The following WDR48 variants were observed in gnomAD, a reference collection of about 807,000 sequenced individuals.
WDR48 encodes the protein WD repeat-containing protein 48.
In WDR48, 22 loss-of-function variants were observed where a neutral mutation model predicts 94.0. That is an observed-to-expected ratio of 0.23 (90% confidence interval 0.17 to 0.33). WDR48 has a LOEUF of 0.33. Among genes scored for constraint, WDR48 ranks in the 10% least tolerant of loss-of-function variants. WDR48 has a pLI of 1.00. For synonymous variants in WDR48, 278 were observed against 280.5 expected (o/e 0.99, Z 0.09); for missense variants, 541 against 813.8 (o/e 0.66, Z 4.08).
intron 15 of WDR48, among the ~76,000 whole-genome samples, chr3:39,088,716 G>C (rs555083311): frequency 7.9e-5 from 12 of 152,238 alleles, no homozygotes; most frequent in African/African-American, 2.9e-4. Context: ...CTTCAGGGAA[G>C]GGCTGGACTG....
chr3:39,069,532 G>C, intron 6 of WDR48, 111 bp from the exon 7 acceptor site: 1 of 913,098 alleles, frequency 1.1e-6, no homozygotes, highest in Non-Finnish European at 1.6e-6. Context: ...GGCAGAAGTG[G>C]TATTGCCTTC....
At chr3:39,057,918 C>T (rs1400421720) in intron 1 of WDR48, among the ~76,000 whole-genome samples, 1 of 152,102 alleles carries the variant, frequency 6.6e-6, no homozygotes, top group Non-Finnish European at 1.5e-5. Flanking sequence ...TGCGCCTGGC[C>T]CCTGGTTATT....
intron 17 of WDR48, 134 bp from the exon 18 acceptor site, chr3:39,093,740 A>T: frequency 9.8e-7 from 1 of 1,023,054 alleles, no homozygotes; most frequent in Non-Finnish European, 1.3e-6. Flanking sequence ...CTAAAAATGG[A>T]TTAAGGTAAT....
At chr3:39,069,893 A>G (rs1319199208) in intron 7 of WDR48, 149 bp downstream of exon 7, 1 of 568,482 alleles carries the variant, frequency 1.8e-6, no homozygotes, top group Non-Finnish European at 3.0e-6. Flanking sequence ...TTGCACATAT[A>G]AGCTACATTT....
chr3:39,084,867 G>T (rs551150178), intron 13 of WDR48, 126 bp downstream of exon 13: 2 of 687,320 alleles, frequency 2.9e-6, no homozygotes, highest in East Asian at 2.8e-5. Context: ...CTAAAAATGT[G>T]GTATGTACAA....
chr3:39,094,105 T>A, intron 18 of WDR48, 39 bp downstream of exon 18: 1 of 1,582,422 alleles, frequency 6.3e-7, no homozygotes, highest in Non-Finnish European at 8.6e-7. Flanking sequence ...ATTTTTCCAG[T>A]GCTGGTGCTC....
chr3:39,081,981 A>T (rs2034558190), intron 11 of WDR48, among the ~76,000 whole-genome samples: 1 of 152,232 alleles, frequency 6.6e-6, no homozygotes, highest in Non-Finnish European at 1.5e-5. Flanking sequence ...GGAGTTTTTT[A>T]GGAACATTGG....
At chr3:39,080,799 T>C (rs140981860) in intron 11 of WDR48, among the ~76,000 whole-genome samples, 6 of 152,276 alleles carry the variant, frequency 3.9e-5, no homozygotes, top group African/African-American at 1.2e-4. Flanking sequence ...AGGAAGAGCA[T>C]TTCAGGAAAA....
chr3:39,084,165 T>C lies in WDR48; in HGVS notation c.1184T>C (p.Val395Ala). ...AYWDVLKACK[V>A]EDLGKVDFED... ...TCTTTTGATGTATAGGCATGTAAAGTTGAAGATCTGGGCAAAGTGGATTTT... is the reference window on the plus strand; with the variant it reads ...TCTTTTGATGTATAGGCATGTAAAGCTGAAGATCTGGGCAAAGTGGATTTT... The change falls in exon 12 of 19, where the codon GTT (valine) becomes GCT (alanine). Residue 395 changes from valine (V) to alanine (A), a missense_variant. Coordinates refer to ENST00000302313, the MANE Select transcript of WDR48 (RefSeq NM_020839.4). The C allele has an allele frequency of 6.2e-7, 1 of 1,610,380 alleles. No individual in the cohort carries two copies. The highest frequency in any genetic ancestry group is 8.5e-7 in the Non-Finnish European group (1 of 1,177,588).
At position 39,068,796 on chromosome 3, in the gene WDR48, T is replaced by C. The variant is rs541279880; in HGVS notation, c.507T>C (p.Asp169=). 136 of 1,603,664 alleles carry C rather than the reference T, an allele frequency of 8.5e-5. No homozygotes were observed. Among genetic ancestry groups the C allele is most frequent in the Admixed American group, 2.0e-4 (12 of 59,964 alleles). The part of the protein sequence containing the change: ...VTTSSLSGNK[D]SIYSLAMNQL... ...CTTCTTCTTTAAGTGGAAACAAAGA[T>C]TCCATTTATAGCCTGGCCATGAATC... is the stretch of plus-strand genomic sequence containing the variant. Residue 169 remains aspartate, a synonymous_variant, in exon 6 of 19, where the codon GAT becomes GAC. Transcript: ENST00000302313.
chr3:39,081,170 C>G (rs6767080), intron 11 of WDR48, among the ~76,000 whole-genome samples: 15,784 of 152,080 alleles, frequency 0.1, 878 homozygotes, highest in Admixed American at 0.14. Flanking sequence ...AAATAAAGGA[C>G]GAGACAGGTG....
At chr3:39,088,482 T>C (rs939646127) in intron 15 of WDR48, among the ~76,000 whole-genome samples, 2 of 152,184 alleles carry the variant, frequency 1.3e-5, no homozygotes, top group Non-Finnish European at 2.9e-5. Context: ...AGCTTCTCTA[T>C]TGGTTTCTGT....
chr3:39,089,435 C>A, intron 16 of WDR48, 117 bp downstream of exon 16: 1 of 830,128 alleles, frequency 1.2e-6, no homozygotes, highest in Non-Finnish European at 1.8e-6. Context: ...CAAGTGGAAT[C>A]CCCATCTGCT....
intron 11 of WDR48, among the ~76,000 whole-genome samples, chr3:39,082,864 G>A (rs901920714): frequency 6.6e-6 from 1 of 152,208 alleles, no homozygotes; most frequent in Non-Finnish European, 1.5e-5. Context: ...GTGGGTTACA[G>A]TTTGATGTCA....
chr3:39,086,202 A>G (rs2125678724), intron 14 of WDR48: 1 of 152,452 alleles, frequency 6.6e-6, no homozygotes, highest in East Asian at 1.9e-4. Flanking sequence ...CCTGAGCAGC[A>G]GAGGAGAACA....
chr3:39,076,070 A>G (rs1339153835), intron 8 of WDR48, among the ~76,000 whole-genome samples: 1 of 152,178 alleles, frequency 6.6e-6, no homozygotes, highest in Non-Finnish European at 1.5e-5. Context: ...CTAAAAGGAA[A>G]ATGAGAAACA....
chr3:39,073,877 T>G (rs929743536), intron 7 of WDR48, among the ~76,000 whole-genome samples: 4 of 152,190 alleles, frequency 2.6e-5, no homozygotes, highest in Admixed American at 2.6e-4. Context: ...AGACCTGGCC[T>G]CATCAGGAAT....
Position 39,077,180 on chromosome 3 carries a change from G to A in WDR48, c.939G>A (p.Trp313Ter). The A allele has an allele frequency of 6.2e-7, 1 of 1,614,100 alleles. No individual in the cohort carries two copies. Among genetic ancestry groups the A allele is most frequent in the Non-Finnish European group, 8.5e-7 (1 of 1,180,018 alleles). Residue 313 changes from tryptophan to a stop codon, truncating the protein, a stop_gained, in exon 9 of 19, where the codon TGG becomes TGA. Coordinates refer to ENST00000302313, the MANE Select transcript of WDR48 (RefSeq NM_020839.4). LOFTEE classifies it high-confidence loss of function. The stretch of plus-strand genomic sequence containing the variant: ...CAGCTGATCCTCCTCCTGCAATTTG[G>A]GTTGCAACAACTAAGTCTACAGTAA... The part of the protein sequence containing the change: ...DRSADPPPAI[W>*]VATTKSTVNK...
chr3:39,088,491 G>A (rs2034926486), intron 15 of WDR48, among the ~76,000 whole-genome samples: 1 of 152,198 alleles, frequency 6.6e-6, no homozygotes, highest in Non-Finnish European at 1.5e-5. Flanking sequence ...ATTGGTTTCT[G>A]TAGGTAATTC....
Sources: allele counts gnomAD v4.1 joint callset (sites outside exome capture counted in the v4.1 genomes callset), GRCh38; gene constraint gnomAD v4.1.1; transcripts MANE v1.5; gene names NCBI Gene and HGNC (gene_info 2026-07-23, HGNC 2026-07-21).